The following MYO3A variants were observed in gnomAD, a reference collection of about 807,000 sequenced individuals.
MYO3A encodes myosin-IIIa.
In MYO3A, 180 loss-of-function variants were observed where a neutral mutation model predicts 192.7. The observed-to-expected ratio is 0.93, with a 90% CI of 0.83 to 1.06. The LOEUF is 1.06. MYO3A is among the 50% of genes least tolerant of loss of function. MYO3A has a pLI of 0.00. For missense variants in MYO3A, 1,896 were observed against 1,905.0 expected (o/e 1.00, Z 0.09); for synonymous variants, 628 against 645.3 (o/e 0.97, Z 0.41).
At position 26,168,515 on chromosome 10, in the gene MYO3A, G is replaced by A. The variant is rs117740226; in HGVS notation, c.3112-197G>A. Among the ~76,000 whole-genome samples the A allele has an allele frequency of 2.4e-3, 367 of 152,216 alleles. 2 individuals carry two copies. Among genetic ancestry groups the A allele is most frequent in the East Asian group, 9.5e-3 (49 of 5,170 alleles). ...ATAAACAGCATGGTTGTCACCTTCTGCATTTCTTCTCAAAGAAATGTTTTC... is the reference window on the plus strand; with the variant it reads ...ATAAACAGCATGGTTGTCACCTTCTACATTTCTTCTCAAAGAAATGTTTTC... On this transcript the variant is annotated intron_variant, in intron 27 of 34. Transcript: ENST00000642920.
chr10:25,969,701 A>C (rs1281339800), intron 4 of MYO3A, among the ~76,000 whole-genome samples: 3 of 152,210 alleles, frequency 2.0e-5, no homozygotes, highest in African/African-American at 7.2e-5. Flanking sequence ...CAATGTGGTA[A>C]ACTTAAACCC....
intron 20 of MYO3A, among the ~76,000 whole-genome samples, chr10:26,132,144 T>C (rs1046152305): frequency 2.0e-5 from 3 of 152,212 alleles, no homozygotes; most frequent in African/African-American, 7.2e-5. Context: ...ATTTCCACGA[T>C]AAATATGTAG....
At chr10:26,089,619 G>A (rs7898544) in intron 15 of MYO3A, among the ~76,000 whole-genome samples, 57,136 of 151,294 alleles carry the variant, frequency 0.38, 11,247 homozygotes, top group Middle Eastern at 0.52. Context: ...AAAAATGGAA[G>A]GAATGATTAT....
At chr10:26,129,705 T>C (rs917475471) in intron 20 of MYO3A, among the ~76,000 whole-genome samples, 3 of 152,162 alleles carry the variant, frequency 2.0e-5, no homozygotes, top group Admixed American at 2.0e-4. Context: ...ATCTCATCAG[T>C]CATTAGTTCA....
intron 4 of MYO3A, among the ~76,000 whole-genome samples, chr10:25,989,253 T>C (rs1839860599): frequency 1.3e-5 from 2 of 148,398 alleles, no homozygotes; most frequent in Admixed American, 6.7e-5. Flanking sequence ...CCAAACTTAG[T>C]TTTTTGGCTT....
chr10:26,190,307 C>T (rs1320291707), intron 31 of MYO3A, among the ~76,000 whole-genome samples: 1 of 152,114 alleles, frequency 6.6e-6, no homozygotes, highest in Non-Finnish European at 1.5e-5. Context: ...AGGCACACGG[C>T]AAAGGTGTTA....
intron 15 of MYO3A, among the ~76,000 whole-genome samples, chr10:26,095,419 AG>A (rs1441644544): frequency 1.3e-5 from 2 of 152,156 alleles, no homozygotes; most frequent in Non-Finnish European, 2.9e-5. Context: ...GAGGACGAGA[AG>A]GGGAATGCCA....
Position 26,068,866 on chromosome 10 carries a change from G to A in MYO3A, c.1152G>A (p.Leu384=), listed in dbSNP as rs1256161345. ...TTGCTCTTAACCCTTTTCAGAGTCTGGGTCTTTACTCCACAAAGGTATGTC... is the reference window on the plus strand; with the variant it reads ...TTGCTCTTAACCCTTTTCAGAGTCTAGGTCTTTACTCCACAAAGGTATGTC... ...ILIALNPFQS[L]GLYSTKHSKL... The change falls in exon 12 of 35, where the codon CTG becomes CTA. Residue 384 remains leucine (L), a synonymous_variant. Coordinates refer to ENST00000642920, the MANE Select transcript of MYO3A (RefSeq NM_017433.5). 2 of 1,584,652 alleles carry A rather than the reference G, an allele frequency of 1.3e-6. No individual in the cohort carries two copies. Among genetic ancestry groups the A allele is most frequent in the Admixed American group, 1.7e-5 (1 of 59,936 alleles).
At chr10:26,166,392 A>G (rs1252451958) in intron 27 of MYO3A, among the ~76,000 whole-genome samples, 2 of 152,168 alleles carry the variant, frequency 1.3e-5, no homozygotes, top group Non-Finnish European at 2.9e-5. Flanking sequence ...AAGAAATACA[A>G]AAGGCTGGGC....
At chr10:26,165,494 A>G (rs928399975) in intron 26 of MYO3A, among the ~76,000 whole-genome samples, 8 of 152,192 alleles carry the variant, frequency 5.3e-5, no homozygotes, top group Non-Finnish European at 8.8e-5. Context: ...TCTTTCCTGC[A>G]TTAGCCCTTC....
chr10:26,193,911 C>T (rs759464272), intron 32 of MYO3A, among the ~76,000 whole-genome samples: 4 of 152,186 alleles, frequency 2.6e-5, no homozygotes, highest in Admixed American at 2.6e-4. Flanking sequence ...AGCATGAGGA[C>T]TCATTGGCGT....
At chr10:26,081,133 T>TCCCCCCCCG (rs1835906244) in intron 14 of MYO3A, among the ~76,000 whole-genome samples, 1 of 84,940 alleles carries the variant, frequency 1.2e-5, no homozygotes, top group African/African-American at 4.2e-5. Context: ...TATATGCCCT[T>TCCCCCCCCG]CCCCCCCCCC....
At chr10:26,156,019 G>A (rs1485398324) in intron 25 of MYO3A, among the ~76,000 whole-genome samples, 1 of 152,196 alleles carries the variant, frequency 6.6e-6, no homozygotes, top group Non-Finnish European at 1.5e-5. Flanking sequence ...ACTGAACACA[G>A]TGTAACACTA....
intron 14 of MYO3A, among the ~76,000 whole-genome samples, chr10:26,084,487 AT>A: frequency 6.6e-6 from 1 of 151,926 alleles, no homozygotes; most frequent in African/African-American, 2.4e-5. Context: ...CTCTAGCTCT[AT>A]TTTTTTAATT....
Position 26,173,939 on chromosome 10 carries a change from C to T in MYO3A, c.3675C>T (p.Ser1225=), listed in dbSNP as rs1842181394. The T allele has an allele frequency of 6.2e-7, 1 of 1,610,334 alleles. No homozygotes were observed. Among genetic ancestry groups the T allele is most frequent in the Non-Finnish European group, 8.5e-7 (1 of 1,178,984 alleles). Residue 1225 remains serine (S), a synonymous_variant, in exon 30 of 35, where the codon AGC becomes AGT. Coordinates refer to ENST00000642920, the MANE Select transcript of MYO3A (RefSeq NM_017433.5). ...CTGTCAAAGACCTGGAAGAGAACAG[C>T]AATCTAAGGAAAGTGGAGAAAGAGG... ...QKSVKDLEEN[S]NLRKVEKEEA... is the part of the protein sequence containing the mutation.
intron 33 of MYO3A, among the ~76,000 whole-genome samples, chr10:26,202,190 CAA>C (rs2132209208): frequency 6.6e-6 from 1 of 152,280 alleles, no homozygotes; most frequent in East Asian, 1.9e-4. Flanking sequence ...TAAGAACAAA[CAA>C]GAGCGTTTCT....
intron 32 of MYO3A, among the ~76,000 whole-genome samples, chr10:26,198,159 T>G (rs1390610375): frequency 3.3e-5 from 5 of 152,224 alleles, no homozygotes; most frequent in African/African-American, 1.2e-4. Context: ...TGTTTTTTTT[T>G]CTCCTTGGAT....
intron 18 of MYO3A, 119 bp from the exon 19 acceptor site, chr10:26,125,279 C>A: frequency 1.1e-6 from 1 of 902,328 alleles, no homozygotes; most frequent in Non-Finnish European, 1.8e-6. Flanking sequence ...TTTTACATTA[C>A]ATAATCTCCA....
At chr10:26,130,046 C>T (rs1281834546) in intron 20 of MYO3A, among the ~76,000 whole-genome samples, 2 of 151,734 alleles carry the variant, frequency 1.3e-5, no homozygotes, top group African/African-American at 4.8e-5. Flanking sequence ...TAGCCTTAAC[C>T]AAGGTACAGA....
Sources: allele counts gnomAD v4.1 joint callset (sites outside exome capture counted in the v4.1 genomes callset), GRCh38; gene constraint gnomAD v4.1.1; transcripts MANE v1.5; gene names NCBI Gene and HGNC (gene_info 2026-07-23, HGNC 2026-07-21).